Variants in TSG101 observed in about 807,000 individuals in gnomAD.
TSG101 encodes the protein tumor susceptibility gene 101 protein.
TSG101 carries 19 observed loss-of-function variants against 48.5 expected under a neutral mutation model. The ratio of observed to expected loss-of-function variants is 0.39; its 90% CI spans 0.27 to 0.58. The LOEUF (loss-of-function observed/expected upper bound fraction) is 0.58, where lower values mean the gene tolerates loss of function less well. TSG101 is among the 20% of genes least tolerant of loss of function. TSG101 has a pLI of 0.55. For missense variants in TSG101, 365 were observed against 484.4 expected (o/e 0.75, Z 2.31); for synonymous variants, 174 against 169.4 (o/e 1.03, Z -0.21).
intron 2 of TSG101, 57 bp from the exon 3 acceptor site, chr11:18,516,221 T>C (rs1449932297): frequency 2.0e-6 from 3 of 1,489,838 alleles, no homozygotes; most frequent in East Asian, 2.3e-5. Flanking sequence ...CTCCCATAAG[T>C]TATTCTTTCA....
At chr11:18,480,677 A>C in intron 9 of TSG101, 42 bp from the exon 10 acceptor site, 1 of 1,573,988 alleles carries the variant, frequency 6.4e-7, no homozygotes, top group Non-Finnish European at 8.7e-7. Context: ...AATGGCTTTG[A>C]TTTAGGCCCA....
chr11:18,504,427 CA>C (rs75046764), intron 6 of TSG101, among the ~76,000 whole-genome samples: 7,360 of 144,806 alleles, frequency 0.051, 305 homozygotes, highest in East Asian at 0.19. Flanking sequence ...CAAAATCAGA[CA>C]AAAAAAAAAG....
intron 3 of TSG101, 93 bp downstream of exon 3, chr11:18,516,006 A>C: frequency 5.4e-6 from 6 of 1,116,438 alleles, no homozygotes; most frequent in Non-Finnish European, 7.7e-6. Flanking sequence ...CAAAGCCCTG[A>C]GAAAGTAGGT....
intron 6 of TSG101, among the ~76,000 whole-genome samples, chr11:18,504,200 CAAA>C (rs933198352): frequency 6.9e-5 from 3 of 43,318 alleles, no homozygotes; most frequent in Non-Finnish European, 1.1e-4. Flanking sequence ...GCCCCCATCT[CAAA>C]AAAAAAAAAA....
In TSG101 at chr11:18,480,425, T is replaced by C. The variant is rs1590266532; in HGVS notation, c.*121A>G. The C allele has an allele frequency of 4.1e-6, 3 of 723,220 alleles. No homozygotes were observed. The highest frequency in any genetic ancestry group is 2.8e-5 in the East Asian group (1 of 35,120). The allele number at this position is 723,220 out of a possible 1,614,324, so 44.8% of individuals were successfully genotyped here. On this transcript the variant is annotated 3_prime_UTR_variant, in exon 10 of 10. Transcript: ENST00000251968. ...CCAAAAGAAAACAGAAAATATATTA[T>C]TGATTCAAAATATTTTACACTTGAA...
intron 7 of TSG101, among the ~76,000 whole-genome samples, chr11:18,486,166 A>C (rs149014446): frequency 1.3e-5 from 2 of 152,198 alleles, no homozygotes; most frequent in African/African-American, 4.8e-5. Context: ...TCAGTCAATA[A>C]AACTCCCTGT....
chr11:18,491,485 GA>G (rs528182307), intron 7 of TSG101, among the ~76,000 whole-genome samples: 32 of 152,318 alleles, frequency 2.1e-4, no homozygotes, highest in Middle Eastern at 6.8e-3. Flanking sequence ...CTGTTACTGG[GA>G]AAAGTCAGCA....
intron 7 of TSG101, among the ~76,000 whole-genome samples, chr11:18,497,144 T>C (rs1849796792): frequency 1.3e-5 from 2 of 152,132 alleles, no homozygotes; most frequent in African/African-American, 4.8e-5. Context: ...TTCTTTCTCA[T>C]GGCCTCAGTA....
intron 7 of TSG101, among the ~76,000 whole-genome samples, chr11:18,493,649 C>G (rs1849729617): frequency 6.6e-6 from 1 of 152,184 alleles, no homozygotes; most frequent in Non-Finnish European, 1.5e-5. Context: ...AGTAATCCCA[C>G]ACAGTAGCTT....
intron 3 of TSG101, 91 bp downstream of exon 3, chr11:18,516,008 A>C: frequency 8.8e-7 from 1 of 1,135,772 alleles, no homozygotes; most frequent in Non-Finnish European, 1.3e-6. Flanking sequence ...AAGCCCTGAG[A>C]AAGTAGGTTT....
chr11:18,499,897 T>C (rs1413934684), intron 7 of TSG101, among the ~76,000 whole-genome samples: 3 of 152,148 alleles, frequency 2.0e-5, no homozygotes, highest in Admixed American at 6.6e-5. Flanking sequence ...AGACAATACA[T>C]TGTTAACTAT....
At chr11:18,481,401 G>C in intron 9 of TSG101, 1 of 1,319,776 alleles carries the variant, frequency 7.6e-7, no homozygotes, top group Non-Finnish European at 9.7e-7. Context: ...TGCTGCCTGT[G>C]GGCAGAGAAC....
intron 1 of TSG101, among the ~76,000 whole-genome samples, chr11:18,525,278 G>T (rs1198740454): frequency 6.6e-6 from 1 of 152,068 alleles, no homozygotes; most frequent in Non-Finnish European, 1.5e-5. Context: ...CAGGTGTGGT[G>T]GCTCACGCCT....
chr11:18,498,698 A>T (rs536124493), intron 7 of TSG101, among the ~76,000 whole-genome samples: 1 of 152,282 alleles, frequency 6.6e-6, no homozygotes, highest in Admixed American at 6.5e-5. Context: ...CAGAGACATA[A>T]ATTTGAGAAC....
chr11:18,525,986 C>T (rs1011569197), intron 1 of TSG101, among the ~76,000 whole-genome samples: 6 of 152,306 alleles, frequency 3.9e-5, no homozygotes, highest in African/African-American at 1.4e-4. Context: ...GGTCAAGACT[C>T]AACTCTCAAT....
intron 1 of TSG101, among the ~76,000 whole-genome samples, chr11:18,522,695 T>C (rs896399351): frequency 6.6e-6 from 1 of 152,216 alleles, no homozygotes; most frequent in African/African-American, 2.4e-5. Flanking sequence ...GTCCTTACAA[T>C]GGCCTGCAAG....
intron 7 of TSG101, among the ~76,000 whole-genome samples, chr11:18,489,691 G>A (rs997544743): frequency 6.6e-6 from 1 of 152,202 alleles, no homozygotes; most frequent in African/African-American, 2.4e-5. Context: ...CTGTGGTCAT[G>A]AACTTTTGAG....
intron 7 of TSG101, among the ~76,000 whole-genome samples, chr11:18,500,500 TTG>T (rs1849870991): frequency 6.6e-6 from 1 of 152,184 alleles, no homozygotes. Context: ...TTTTTATTTT[TTG>T]TCTTTTTAAT....
chr11:18,520,159 G>T (rs1344458257), intron 1 of TSG101, among the ~76,000 whole-genome samples: 1 of 152,100 alleles, frequency 6.6e-6, no homozygotes, highest in Admixed American at 6.6e-5. Flanking sequence ...GATCTTTCAT[G>T]ACTAAATTAT....
Sources: allele counts gnomAD v4.1 joint callset (sites outside exome capture counted in the v4.1 genomes callset), GRCh38; gene constraint gnomAD v4.1.1; transcripts MANE v1.5; gene names NCBI Gene and HGNC (gene_info 2026-07-23, HGNC 2026-07-21).